Variants in SYMPK observed in about 807,000 individuals in gnomAD.
SYMPK encodes the protein symplekin scaffold protein, also known as symplekin.
A neutral mutation model predicts 136.4 loss-of-function variants in SYMPK; 49 were observed. The ratio of observed to expected loss-of-function variants is 0.36; its 90% CI spans 0.29 to 0.46. The LOEUF is 0.46. SYMPK is among the 20% of genes least tolerant of loss of function. The pLI is 1.00. For synonymous variants in SYMPK, 766 were observed against 713.0 expected, an observed-to-expected ratio of 1.07 and a Z score of -1.19; for missense variants, 1,365 against 1,690.0, an observed-to-expected ratio of 0.81 and a Z score of 3.37.
chr19:45,825,142 G>A lies in SYMPK; in HGVS notation c.2490+29C>T, dbSNP rs374881893. ...GGGACACAGCCTTGCCCGTGGGTGGGCAGGGCCTGGTGGGCTCAGGGGCCT... is the reference window on the plus strand; with the variant it reads ...GGGACACAGCCTTGCCCGTGGGTGGACAGGGCCTGGTGGGCTCAGGGGCCT... On this transcript the variant is annotated intron_variant, in intron 18 of 26. Transcript: ENST00000245934. The A allele has an allele frequency of 1.2e-5, 20 of 1,602,814 alleles. No individual in the cohort carries two copies. In the African/African-American group the frequency reaches 2.3e-4, roughly 18 times the overall value.
intron 1 of SYMPK, among the ~76,000 whole-genome samples, chr19:45,862,231 T>C (rs1229446419): frequency 2.6e-5 from 4 of 152,172 alleles, no homozygotes; most frequent in Non-Finnish European, 5.9e-5. Context: ...CCAATCTTCT[T>C]ATTTAAGAAC....
At chr19:45,860,721 G>A (rs771315869) in intron 1 of SYMPK, among the ~76,000 whole-genome samples, 20 of 152,104 alleles carry the variant, frequency 1.3e-4, no homozygotes, top group Non-Finnish European at 2.4e-4. Context: ...TCAGCTCACC[G>A]CAATCTCTGC....
chr19:45,852,597 C>CAGACAGGAGAGTAGAGGGGA (rs1051751287), intron 3 of SYMPK, 62 bp from the exon 4 acceptor site: 47 of 1,590,870 alleles, frequency 3.0e-5, no homozygotes, highest in Non-Finnish European at 3.7e-5. Flanking sequence ...CCAATCAATG[C>CAGACAGGAGAGTAGAGGGGA]AGACAGGAGA....
chr19:45,856,815 C>A lies in SYMPK; in HGVS notation c.-12-2308G>T, dbSNP rs368288939. ...ATTCCAGCCTGCGGACAGAGCAACA[C>A]CCTGTCTCAGAAACAAACAGGCCAG... is the stretch of plus-strand genomic sequence containing the variant. On this transcript the variant is annotated intron_variant, in intron 1 of 26. Transcript: ENST00000245934. 3.1e-3 allele frequency among the ~76,000 whole-genome samples: 470 copies of A among 151,624 alleles called. 4 individuals carry two copies. The highest frequency in any genetic ancestry group is 0.011 in the African/African-American group (435 of 41,338).
chr19:45,842,482 C>A lies in SYMPK; in HGVS notation c.855G>T (p.Leu285=), dbSNP rs768611061. 7.4e-6 allele frequency: 12 copies of A among 1,610,982 alleles called. No homozygotes were observed. In the South Asian group the frequency reaches 1.2e-4, roughly 16 times the overall value. Residue 285 remains leucine (L), a synonymous_variant, in exon 9 of 27, where the codon CTG becomes CTT. Coordinates refer to ENST00000245934, the MANE Select transcript of SYMPK (RefSeq NM_004819.3). ...IQAYETLHAN[L]PPTLAKSQVS... is the part of the protein sequence containing the mutation. ...CCTGCGATTTGGCCAGCGTCGGGGG[C>A]AGGTTGGCTGTGAGGAAAGTGGCAG...
intron 1 of SYMPK, among the ~76,000 whole-genome samples, chr19:45,859,434 C>A (rs914967482): frequency 2.0e-5 from 3 of 150,598 alleles, no homozygotes; most frequent in Non-Finnish European, 4.4e-5. Context: ...CCAGTCTCTG[C>A]TAAAAATACA....
chr19:45,826,402 T>C, intron 16 of SYMPK, 29 bp from the exon 17 acceptor site: 1 of 1,611,614 alleles, frequency 6.2e-7, no homozygotes, highest in South Asian at 1.1e-5. Context: ...AAGGGCAGGG[T>C]CAGGGAAGAG....
intron 1 of SYMPK, among the ~76,000 whole-genome samples, chr19:45,856,622 G>A (rs952598747): frequency 1.3e-5 from 2 of 152,062 alleles, no homozygotes; most frequent in Non-Finnish European, 2.9e-5. Flanking sequence ...TTATGTACAT[G>A]GGAAAAGATC....
At position 45,863,104 on chromosome 19, in the gene SYMPK, T is replaced by C; in HGVS notation, c.-59A>G. The C allele has an allele frequency of 2.5e-6, 1 of 403,966 alleles. No homozygotes were observed. The allele number at this position is 403,966 out of a possible 1,614,324, so 25.0% of individuals were successfully genotyped here. A position where few individuals can be genotyped will look rare whatever the true frequency, so the allele number is the denominator to read the frequency against. ...CCTCGCGCCCCCTCAGCAGTGCCTC[T>C]TCCTACACTCCGCCGCCGCCGCCGC... On this transcript the variant is annotated 5_prime_UTR_variant, in exon 1 of 27. Transcript: ENST00000245934.
At chr19:45,822,667 C>G (rs1401232357) in intron 21 of SYMPK, 89 bp downstream of exon 21, 4 of 1,101,036 alleles carry the variant, frequency 3.6e-6, no homozygotes, top group African/African-American at 1.5e-5. Flanking sequence ...TGTGCCCTCT[C>G]TCCCTGAGGG....
At position 45,847,796 on chromosome 19, in the gene SYMPK, A is replaced by G. The variant is rs751681898; in HGVS notation, c.632T>C (p.Ile211Thr). The change falls in exon 7 of 27, where the codon ATC becomes ACC. Residue 211 changes from isoleucine to threonine, a missense_variant. Ile to Thr is a moderately conservative substitution (Grantham distance 89). Around this residue, in one of 11 missense-constraint regions of SYMPK, gnomAD observed 237 missense variants for 292.9 expected, o/e 0.81. Coordinates refer to ENST00000245934, the MANE Select transcript of SYMPK (RefSeq NM_004819.3). ...SEIPRRQEHDISLDRIPRDHP... is the reference protein window; with the variant it reads ...SEIPRRQEHDTSLDRIPRDHP... ...GTCACGAGGGATGCGGTCCAGGCTG[A>G]TATCATGCTCCTGGCGTCGGGGTAT... 6.2e-6 allele frequency: 10 copies of G among 1,613,970 alleles called. No individual in the cohort carries two copies. Among genetic ancestry groups the G allele is most frequent in the African/African-American group, 1.3e-5 (1 of 74,900 alleles).
At chr19:45,832,616 C>T (rs988266764) in intron 11 of SYMPK, among the ~76,000 whole-genome samples, 2 of 152,056 alleles carry the variant, frequency 1.3e-5, no homozygotes, top group Non-Finnish European at 2.9e-5. Context: ...CCATCAATAC[C>T]GGTGTGGATA....
At position 45,823,516 on chromosome 19, in the gene SYMPK, A is replaced by T. The variant is rs376521324; in HGVS notation, c.2600-44T>A. 2.4e-5 allele frequency: 38 copies of T among 1,581,510 alleles called. No homozygotes were observed. In the African/African-American group the frequency reaches 4.3e-4, roughly 18 times the overall value. The stretch of plus-strand genomic sequence containing the variant: ...AGGCACCAAGTTGGAGGCGGAGGGG[A>T]GCGTGGGAAAGGGTGGGCACCCAGG... On this transcript the variant is annotated intron_variant, in intron 19 of 26. Coordinates refer to ENST00000245934, the MANE Select transcript of SYMPK (RefSeq NM_004819.3).
intron 22 of SYMPK, chr19:45,818,988 G>C (rs976771708): frequency 1.9e-5 from 2 of 106,190 alleles, no homozygotes; most frequent in Admixed American, 1.1e-4. Flanking sequence ...TGGAGAACAG[G>C]GGTGGGGTCT....
rs537189517 is a variant in SYMPK, at chr19:45,835,330, G to A, written c.1243-102C>T. ...TGGGGAAATGGCAGTGCCTAAGACC[G>A]ACTTGGGCCTGCTCTCCTGGGGCCC... On this transcript the variant is annotated intron_variant, in intron 10 of 26. Coordinates refer to ENST00000245934, the MANE Select transcript of SYMPK (RefSeq NM_004819.3). 9.8e-5 allele frequency: 119 copies of A among 1,208,690 alleles called. 1 individual carries two copies. The South Asian group carries it at 1.9e-3, about 19-fold the overall frequency. 74.9% of individuals were successfully genotyped at this position (1,208,690 alleles called of 1,614,324 possible). A position where few individuals can be genotyped will look rare whatever the true frequency, so the allele number is the denominator to read the frequency against.
intron 18 of SYMPK, among the ~76,000 whole-genome samples, chr19:45,824,643 A>C (rs776265807): frequency 1.3e-5 from 2 of 152,332 alleles, no homozygotes; most frequent in Non-Finnish European, 2.9e-5. Flanking sequence ...AAGTGGTTTC[A>C]AATCCTGCTG....
intron 5 of SYMPK, among the ~76,000 whole-genome samples, chr19:45,851,740 G>A (rs1224517984): frequency 6.6e-6 from 1 of 152,120 alleles, no homozygotes; most frequent in South Asian, 2.1e-4. Context: ...CGGATGTGGT[G>A]GCGCATGCCT....
chr19:45,838,593 A>C lies in SYMPK; in HGVS notation c.1110T>G (p.Asp370Glu). The C allele has an allele frequency of 6.2e-7, 1 of 1,614,008 alleles. No homozygotes were observed. ...GGCCTGGCTCCAAGTCTTTGTCCTC[A>C]TCGTCCTCCCCCAGGTTGGGCTCTG... ...MKLEPNLGED[D>E]EDKDLEPGPS... Residue 370 changes from aspartate (D) to glutamate (E), a missense_variant, in exon 10 of 27, where the codon GAT (aspartate) becomes GAG (glutamate). This residue lies in a region of SYMPK where 111 missense variants were observed against 141.2 expected (regional missense o/e 0.79). Coordinates refer to ENST00000245934, the MANE Select transcript of SYMPK (RefSeq NM_004819.3).
intron 9 of SYMPK, among the ~76,000 whole-genome samples, chr19:45,840,186 G>A (rs1311581924): frequency 2.0e-5 from 3 of 151,418 alleles, no homozygotes; most frequent in East Asian, 2.0e-4. Context: ...ATGATGGCGC[G>A]CACCAGTAGC....
Sources: allele counts gnomAD v4.1 joint callset (sites outside exome capture counted in the v4.1 genomes callset), GRCh38; gene constraint gnomAD v4.1.1; regional missense constraint gnomAD v4.1.1; transcripts MANE v1.5; gene names NCBI Gene and HGNC (gene_info 2026-07-23, HGNC 2026-07-21).